The following AGRN variants were observed in gnomAD, a reference collection of about 807,000 sequenced individuals.
The protein encoded by AGRN is agrin proteoglycan.
In AGRN, 106 loss-of-function variants were observed where a neutral mutation model predicts 211.0. The ratio of observed to expected loss-of-function variants is 0.50; its 90% confidence interval spans 0.43 to 0.59. The LOEUF is 0.59. Ranked by LOEUF, AGRN falls within the 20% of genes least tolerant of loss-of-function variation. The pLI is 0.00. For missense variants in AGRN, 3,040 were observed against 2,982.6 expected (o/e 1.02, Z -0.45); for synonymous variants, 1,525 against 1,332.5 (o/e 1.14, Z -3.15).
rs760633592 is a variant in AGRN, at chr1:1,044,010, G to A, written c.1986G>A (p.Gly662=). 2.5e-6 allele frequency: 4 copies of A among 1,608,484 alleles called. No individual in the cohort carries two copies. Among genetic ancestry groups the A allele is most frequent in the Non-Finnish European group, 3.4e-6 (4 of 1,179,250 alleles). Residue 662 remains glycine, a synonymous_variant, in exon 10 of 36, where the codon GGG becomes GGA. Coordinates refer to ENST00000379370, the MANE Select transcript of AGRN (RefSeq NM_198576.4). ...QQTQIEEARA[G]PCEQAECGSG... ...CACAGATCGAGGAGGCCCGGGCAGG[G>A]CCGTGCGAGCAGGGTAGGCCGGGGG...
At position 1,048,820 on chromosome 1, in the gene AGRN, G is replaced by A; in HGVS notation, c.4106-47G>A. The A allele has an allele frequency of 6.7e-7, 1 of 1,488,716 alleles. No individual in the cohort carries two copies. The highest frequency in any genetic ancestry group is 8.9e-7 in the Non-Finnish European group (1 of 1,118,980). 92.2% of individuals were successfully genotyped at this position (1,488,716 alleles called of 1,614,324 possible). A position where few individuals can be genotyped will look rare whatever the true frequency, so the allele number is the denominator to read the frequency against. The stretch of plus-strand genomic sequence containing the variant: ...GGGCGGTTTCAGGGATAAAAGTGGG[G>A]AATCCTCGGAGCTTTTCCAGCCGGC... On this transcript the variant is annotated intron_variant, in intron 23 of 35. Coordinates refer to ENST00000379370, the MANE Select transcript of AGRN (RefSeq NM_198576.4). The surrounding 1 kb of genome is among the most constrained non-coding windows in gnomAD (Gnocchi z 5.9).
intron 33 of AGRN, chr1:1,053,398 A>G (rs1645364446): frequency 7.7e-7 from 1 of 1,301,008 alleles, no homozygotes; most frequent in Non-Finnish European, 1.0e-6. Context: ...CAGTGTTGAG[A>G]TGGGTTTGCA....
At chr1:1,054,094 A>G in intron 34 of AGRN, 117 bp downstream of exon 34, 1 of 1,137,354 alleles carries the variant, frequency 8.8e-7, no homozygotes, top group East Asian at 2.6e-5. Flanking sequence ...TTGCTGCCTG[A>G]GCCGAGGTCA....
chr1:1,050,699 C>G, intron 29 of AGRN, 27 bp from the exon 30 acceptor site: 1 of 1,599,680 alleles, frequency 6.3e-7, no homozygotes, highest in Non-Finnish European at 8.5e-7. Context: ...GTGGACAGAG[C>G]CCACTCACGC....
In AGRN at chr1:1,041,297, C is replaced by T; in HGVS notation, c.852C>T (p.Val284=). ...GCCGTGGCGCCCCCGAGGGGACCGT[C>T]TGCGGCAGCGACGGCGCCGACTACC... The part of the protein sequence containing the change: ...ATCRGAPEGT[V]CGSDGADYPG... Residue 284 remains valine (V), a synonymous_variant, in exon 5 of 36, where the codon GTC becomes GTT. Coordinates refer to ENST00000379370, the MANE Select transcript of AGRN (RefSeq NM_198576.4). 4 of 1,518,342 alleles carry T rather than the reference C, an allele frequency of 2.6e-6. No homozygotes were observed. The highest frequency in any genetic ancestry group is 2.6e-6 in the Non-Finnish European group (3 of 1,138,942). The allele number at this position is 1,518,342 out of a possible 1,614,324, so 94.1% of individuals were successfully genotyped here.
chr1:1,025,915 G>T (rs1206155363), intron 2 of AGRN, among the ~76,000 whole-genome samples: 2 of 152,166 alleles, frequency 1.3e-5, no homozygotes, highest in African/African-American at 2.4e-5. Context: ...TCGGGGCTCG[G>T]TGCTTCCCGC....
chr1:1,040,759 C>G lies in AGRN; in HGVS notation c.606C>G (p.Cys202Trp). 1 of 1,542,664 alleles carries G rather than the reference C, an allele frequency of 6.5e-7. No homozygotes were observed. Among genetic ancestry groups the G allele is most frequent in the Non-Finnish European group, 8.7e-7 (1 of 1,147,402 alleles). The change falls in exon 4 of 36, where the codon TGC (cysteine) becomes TGG (tryptophan). Residue 202 changes from cysteine (C) to tryptophan (W), a missense_variant. Cys to Trp is a radical substitution (Grantham distance 215). Coordinates refer to ENST00000379370, the MANE Select transcript of AGRN (RefSeq NM_198576.4). ...CCTGCGTCTGCAAGAAGAGCCCGTG[C>G]CCCAGCGTGGTGGCGCCTGTGTGTG... Reference protein sequence around the residue: ...RASCVCKKSPCPSVVAPVCGS... With the variant: ...RASCVCKKSPWPSVVAPVCGS...
intron 2 of AGRN, among the ~76,000 whole-genome samples, chr1:1,027,062 CT>C (rs1644536195): frequency 6.6e-6 from 1 of 152,192 alleles, no homozygotes; most frequent in Admixed American, 6.5e-5. Context: ...GGAACTTCCT[CT>C]GAGGAAGGCC....
At position 1,055,426 on chromosome 1, in the gene AGRN, G is replaced by A. The variant is rs2799073; in HGVS notation, c.*445G>A. ...CTGCTCCTTCCTGTGTGTGCTCTGG[G>A]CCCTGCCTCGGCCTCCTGCGCCAAT... is the stretch of plus-strand genomic sequence containing the variant. On this transcript the variant is annotated 3_prime_UTR_variant, in exon 36 of 36. Coordinates refer to ENST00000379370, the MANE Select transcript of AGRN (RefSeq NM_198576.4). 0.85 allele frequency: 269,143 copies of A among 318,160 alleles called. 115,113 individuals are homozygous for A. The highest frequency in any genetic ancestry group is 1 in the East Asian group (11,815 of 11,870). The allele number at this position is 318,160 out of a possible 1,614,324, so 19.7% of individuals were successfully genotyped here.
In AGRN at chr1:1,051,851, C is replaced by G. The variant is rs777920916; in HGVS notation, c.5651+36C>G. The G allele has an allele frequency of 8.7e-6, 14 of 1,612,050 alleles. No homozygotes were observed. The Admixed American group carries it at 2.3e-4, about 27-fold the overall frequency. On this transcript the variant is annotated intron_variant, in intron 33 of 35. Transcript: ENST00000379370. ...ATCCTCTGCTGGCTGTCGGTTCCAT[C>G]TGTGCCCTCGGGGCGGGACACCGGA...
chr1:1,027,727 C>G (rs1351733745), intron 2 of AGRN, among the ~76,000 whole-genome samples: 2 of 152,150 alleles, frequency 1.3e-5, no homozygotes, highest in Non-Finnish European at 2.9e-5. Context: ...CCACCCCTGC[C>G]CAGATGGGAC....
At position 1,051,734 on chromosome 1, in the gene AGRN, TGGA is replaced by T; in HGVS notation, c.5572_5574del (p.Glu1858del). The T allele has an allele frequency of 6.2e-7, 1 of 1,613,758 alleles. No homozygotes were observed. Among genetic ancestry groups the T allele is most frequent in the African/African-American group, 1.3e-5 (1 of 75,054 alleles). The stretch of plus-strand genomic sequence containing the variant: ...TCACCTGCCTATCTCACAGGGCTGG[TGGA>T]GAAGTCAGCGGGGGACGTGGATACC... On this transcript the variant is annotated inframe_deletion, in exon 33 of 36. Coordinates refer to ENST00000379370, the MANE Select transcript of AGRN (RefSeq NM_198576.4).
In AGRN at chr1:1,050,809, A is replaced by T; in HGVS notation, c.5225A>T (p.Asp1742Val). The T allele has an allele frequency of 6.3e-7, 1 of 1,592,202 alleles. No homozygotes were observed. The highest frequency in any genetic ancestry group is 1.1e-5 in the South Asian group (1 of 88,828). ...CGCAAGGGTGCCCTGCGTGTGGGCG[A>T]CGGCCCCCGTGTGTTGGGGGAGTCC... The part of the protein sequence containing the change: ...NGRKGALRVG[D>V]GPRVLGESPV... Residue 1742 changes from aspartate (D) to valine (V), a missense_variant, in exon 30 of 36, where the codon GAC (aspartate) becomes GTC (valine). Transcript: ENST00000379370.
intron 33 of AGRN, 77 bp from the exon 34 acceptor site, chr1:1,053,676 G>A (rs1328862658): frequency 1.3e-6 from 2 of 1,513,568 alleles, no homozygotes; most frequent in Non-Finnish European, 1.8e-6. Context: ...CGCAGCTGGG[G>A]CCCTTGTCCT....
chr1:1,042,736 C>A (rs993310952), intron 7 of AGRN, among the ~76,000 whole-genome samples: 2 of 152,190 alleles, frequency 1.3e-5, no homozygotes, highest in South Asian at 4.1e-4. Context: ...CCTCCAGGAG[C>A]CCGCAGCCCG....
chr1:1,026,503 G>A (rs1192763510), intron 2 of AGRN, among the ~76,000 whole-genome samples: 1 of 152,176 alleles, frequency 6.6e-6, no homozygotes, highest in African/African-American at 2.4e-5. Context: ...GGCTGACTCT[G>A]CCCCCATCAC....
Position 1,045,796 on chromosome 1 carries a change from C to T in AGRN, c.2600C>T (p.Ser867Leu), listed in dbSNP as rs1037530738. The change falls in exon 15 of 36, where the codon TCG (serine) becomes TTG (leucine). Residue 867 changes from serine to leucine, a missense_variant. Physicochemically the swap from Ser to Leu is moderately radical, Grantham distance 145. Transcript: ENST00000379370. ...TGTGAGCAGATGACGGGGCTGTGCTCGTGTAAGCCCGGGGTGGCTGGACCC... is the reference window on the plus strand; with the variant it reads ...TGTGAGCAGATGACGGGGCTGTGCTTGTGTAAGCCCGGGGTGGCTGGACCC... The part of the protein sequence containing the change: ...DDCEQMTGLC[S>L]CKPGVAGPKC... 1.7e-5 allele frequency: 28 copies of T among 1,613,074 alleles called. No individual in the cohort carries two copies. Among genetic ancestry groups the T allele is most frequent in the African/African-American group, 9.3e-5 (7 of 74,920 alleles).
chr1:1,025,989 G>C (rs988030509), intron 2 of AGRN, among the ~76,000 whole-genome samples: 10 of 152,156 alleles, frequency 6.6e-5, no homozygotes, highest in South Asian at 2.1e-4. Flanking sequence ...TGGCCTGGGG[G>C]GGGGCTTTGC....
Position 1,041,550 on chromosome 1 carries a change from T to C in AGRN, c.1025T>C (p.Met342Thr). ...RVNPRTRRPE[M>T]LLRPESCPAR... ...AACCCGCGCACGCGGCGCCCTGAGA[T>C]GCTCCTACGGCCCGAGAGCTGCCCT... The change falls in exon 6 of 36, where the codon ATG (methionine) becomes ACG (threonine). Residue 342 changes from methionine to threonine, a missense_variant. Physicochemically the swap from Met to Thr is moderately conservative, Grantham distance 81 (BLOSUM62 -1). Around this residue, in one of 3 missense-constraint regions of AGRN, gnomAD observed 1,498 missense variants for 1,457.8 expected, o/e 1.03. Coordinates refer to ENST00000379370, the MANE Select transcript of AGRN (RefSeq NM_198576.4). The C allele has an allele frequency of 6.2e-7, 1 of 1,607,908 alleles. No homozygotes were observed. Among genetic ancestry groups the C allele is most frequent in the South Asian group, 1.1e-5 (1 of 90,970 alleles).
Sources: gnomAD v4.1 joint callset for allele counts (sites outside exome capture counted in the v4.1 genomes callset) on GRCh38, gnomAD v4.1.1 for gene constraint, gnomAD v4.1.1 regional missense constraint, Gnocchi (gnomAD v3.1) non-coding constraint, MANE v1.5 for transcripts, NCBI Gene and HGNC (gene_info 2026-07-23, HGNC 2026-07-21) for gene names.